SEMA6B: variants seen among roughly 807,000 people sequenced by gnomAD.
The protein encoded by SEMA6B is semaphorin 6B, also known as semaphorin-6B.
SEMA6B carries 47 observed loss-of-function variants against 78.6 expected under a neutral mutation model. That is an observed-to-expected ratio of 0.60 (90% CI 0.47 to 0.76). The LOEUF is 0.76. SEMA6B is among the 30% of genes least tolerant of loss of function. SEMA6B has a pLI of 0.00. For missense variants in SEMA6B, 1,213 were observed against 1,269.9 expected, an observed-to-expected ratio of 0.96 and a Z score of 0.68; for synonymous variants, 632 against 592.2, an observed-to-expected ratio of 1.07 and a Z score of -0.98.
chr19:4,547,134 ATT>A (rs764950107), intron 14 of SEMA6B, among the ~76,000 whole-genome samples: 15 of 135,362 alleles, frequency 1.1e-4, no homozygotes, highest in Non-Finnish European at 1.3e-4. Flanking sequence ...TGATTTTTGC[ATT>A]TTTTTTTTTT....
chr19:4,556,474 G>A (rs1004233773), intron 5 of SEMA6B, among the ~76,000 whole-genome samples: 1 of 150,642 alleles, frequency 6.6e-6, no homozygotes, highest in Non-Finnish European at 1.5e-5. Context: ...TTGGGAGCGT[G>A]GCCAGAGCTG....
Position 4,542,684 on chromosome 19 carries a change from T to G in SEMA6B, c.*917A>C. 3 of 644,742 alleles carry G rather than the reference T, an allele frequency of 4.7e-6. No homozygotes were observed. Among genetic ancestry groups the G allele is most frequent in the Middle Eastern group, 3.5e-4 (1 of 2,830 alleles). The allele number at this position is 644,742 out of a possible 1,614,324, so 39.9% of individuals were successfully genotyped here. ...GACCCAGCCAGCCACGTGGCATGCA[T>G]GGTCAGCTGGAGGTCAGAGGGGGGA... On this transcript the variant is annotated 3_prime_UTR_variant, in exon 17 of 17. Coordinates refer to ENST00000586582, the MANE Select transcript of SEMA6B (RefSeq NM_032108.4).
intron 9 of SEMA6B, among the ~76,000 whole-genome samples, chr19:4,554,122 G>A (rs958130349): frequency 6.6e-6 from 1 of 152,054 alleles, no homozygotes; most frequent in African/African-American, 2.4e-5. Flanking sequence ...ATTGTGGCTG[G>A]GTGGGTGGGT....
At position 4,550,293 on chromosome 19, in the gene SEMA6B, G is replaced by A. The variant is rs753729123; in HGVS notation, c.1122-21C>T. 6.2e-7 allele frequency: 1 copy of A among 1,613,234 alleles called. No individual in the cohort carries two copies. The highest frequency in any genetic ancestry group is 8.5e-7 in the Non-Finnish European group (1 of 1,179,780). ...CGGGCCTGGGGGTGACAAGGGTGTG[G>A]TCAGGACGAACGTAAAGGTTCTCAT... On this transcript the variant is annotated intron_variant, in intron 11 of 16. Transcript: ENST00000586582. This position sits in a 1 kb window ranked among gnomAD's most constrained non-coding sequence, Gnocchi z 6.6.
In SEMA6B at chr19:4,558,624, T is replaced by C. The variant is rs966780717; in HGVS notation, c.-32-135A>G. On this transcript the variant is annotated intron_variant, in intron 1 of 16. Coordinates refer to ENST00000586582, the MANE Select transcript of SEMA6B (RefSeq NM_032108.4). This position sits in a 1 kb window ranked among gnomAD's most constrained non-coding sequence, Gnocchi z 5.1. ...GGATAATAATTAATAAAAACAATAATGGCAATAATAATAATAATACACAGC... is the reference window on the plus strand; with the variant it reads ...GGATAATAATTAATAAAAACAATAACGGCAATAATAATAATAATACACAGC... The C allele has an allele frequency of 2.4e-4, 102 of 432,928 alleles. No homozygotes were observed. The highest frequency in any genetic ancestry group is 1.9e-3 in the African/African-American group (96 of 49,278). The allele number at this position is 432,928 out of a possible 1,614,324, so 26.8% of individuals were successfully genotyped here.
At chr19:4,553,926 T>C (rs1394708399) in intron 9 of SEMA6B, among the ~76,000 whole-genome samples, 2 of 151,874 alleles carry the variant, frequency 1.3e-5, no homozygotes, top group Non-Finnish European at 2.9e-5. Context: ...GATGGGTGGA[T>C]GGATGCATGG....
At position 4,548,155 on chromosome 19, in the gene SEMA6B, A is replaced by T; in HGVS notation, c.1473T>A (p.Gly491=). The T allele has an allele frequency of 6.3e-7, 1 of 1,591,396 alleles. No individual in the cohort carries two copies. Residue 491 remains glycine, a synonymous_variant, in exon 14 of 17, where the codon GGT becomes GGA. Coordinates refer to ENST00000586582, the MANE Select transcript of SEMA6B (RefSeq NM_032108.4). The part of the protein sequence containing the change: ...YRPDRCGRPG[G]GETGQRLLSL... ...TCAGCAGCCGCTGCCCTGTCTCGCC[A>T]CCGCCGGGCCGTCCACACCTGGGGA...
chr19:4,557,909 A>G (rs1303594542), intron 3 of SEMA6B, 117 bp downstream of exon 3: 5 of 898,126 alleles, frequency 5.6e-6, no homozygotes. Flanking sequence ...AGTCCTCCCA[A>G]TGGCCCAACA....
chr19:4,556,121 C>T (rs369398158), intron 5 of SEMA6B, 32 bp from the exon 6 acceptor site: 2 of 1,498,506 alleles, frequency 1.3e-6, no homozygotes, highest in Non-Finnish European at 1.9e-6. Context: ...GCGGGGAGCG[C>T]GATGTGGGCG....
chr19:4,546,478 G>C lies in SEMA6B; in HGVS notation c.1602-9C>G, dbSNP rs964181722. The C allele has an allele frequency of 7.1e-6, 11 of 1,542,946 alleles. No individual in the cohort carries two copies. The African/African-American group carries it at 1.1e-4, about 15-fold the overall frequency. ...GACTGCCGATACAGTTCCTAGAGCAGACCAGGGACCGAATGGGACAAGTGT... is the reference window on the plus strand; with the variant it reads ...GACTGCCGATACAGTTCCTAGAGCACACCAGGGACCGAATGGGACAAGTGT... On this transcript the variant is annotated splice_polypyrimidine_tract_variant and intron_variant, in intron 14 of 16. Coordinates refer to ENST00000586582, the MANE Select transcript of SEMA6B (RefSeq NM_032108.4).
At chr19:4,557,830 G>C (rs73527734) in intron 3 of SEMA6B, among the ~76,000 whole-genome samples, 196 bp downstream of exon 3, 210 of 152,078 alleles carry the variant, frequency 1.4e-3, no homozygotes, top group African/African-American at 4.7e-3. Flanking sequence ...GTGAGCACCT[G>C]AGTCAGGTCC....
chr19:4,543,040 G>A lies in SEMA6B; in HGVS notation c.*561C>T, dbSNP rs1487499932. ...CGTGGACACACACCCTGCACGCGTG[G>A]CCCACTTGACACACACGCCCACAGC... On this transcript the variant is annotated 3_prime_UTR_variant, in exon 17 of 17. Transcript: ENST00000586582. 3.0e-6 allele frequency: 2 copies of A among 670,732 alleles called. No homozygotes were observed. Among genetic ancestry groups the A allele is most frequent in the East Asian group, 2.7e-5 (1 of 36,806 alleles). The allele number at this position is 670,732 out of a possible 1,614,324, so 41.5% of individuals were successfully genotyped here.
chr19:4,551,666 C>T (rs1977335663), intron 10 of SEMA6B, among the ~76,000 whole-genome samples: 1 of 151,674 alleles, frequency 6.6e-6, no homozygotes, highest in African/African-American at 2.4e-5. Context: ...CCCGTCTCTA[C>T]TAAAAATACA....
intron 10 of SEMA6B, among the ~76,000 whole-genome samples, chr19:4,551,881 A>T (rs1406468768): frequency 1.3e-5 from 2 of 151,712 alleles, no homozygotes; most frequent in Non-Finnish European, 2.9e-5. Context: ...TGCAAACCTG[A>T]TCTCATCCCT....
intron 5 of SEMA6B, 83 bp from the exon 6 acceptor site, chr19:4,556,172 G>A: frequency 1.0e-6 from 1 of 959,672 alleles, no homozygotes; most frequent in Non-Finnish European, 1.7e-6. Flanking sequence ...GAGTTGTGTG[G>A]GTGGAGGGCC....
intron 16 of SEMA6B, chr19:4,545,884 G>A: frequency 5.2e-6 from 1 of 194,022 alleles, no homozygotes; most frequent in Non-Finnish European, 1.1e-5. Context: ...CCATTCTCCT[G>A]CCTCAGCCTC....
intron 3 of SEMA6B, among the ~76,000 whole-genome samples, chr19:4,557,682 C>T (rs1977509544): frequency 6.6e-6 from 1 of 152,144 alleles, no homozygotes; most frequent in African/African-American, 2.4e-5. Flanking sequence ...TAATCTCACA[C>T]TTGCTTCTCC....
At position 4,544,635 on chromosome 19, in the gene SEMA6B, T is replaced by TA; in HGVS notation, c.1739-107_1739-106insT. The stretch of plus-strand genomic sequence containing the variant: ...CCTCTTTTTTATTATTTTTATTTTT[T>TA]TTTATTTATTTATTTTTTGAGAAGG... On this transcript the variant is annotated intron_variant, in intron 16 of 16. Coordinates refer to ENST00000586582, the MANE Select transcript of SEMA6B (RefSeq NM_032108.4). The surrounding 1 kb of genome is among the most constrained non-coding windows in gnomAD (Gnocchi z 5.1). 1.7e-6 allele frequency: 1 copy of TA among 592,110 alleles called. No homozygotes were observed. Among genetic ancestry groups the TA allele is most frequent in the Non-Finnish European group, 2.5e-6 (1 of 400,436 alleles). The allele number at this position is 592,110 out of a possible 1,614,324, so 36.7% of individuals were successfully genotyped here. A position where few individuals can be genotyped will look rare whatever the true frequency, so the allele number is the denominator to read the frequency against.
Position 4,555,298 on chromosome 19 carries a change from T to C in SEMA6B, c.562+176A>G, listed in dbSNP as rs10853973. Among the ~76,000 whole-genome samples, 128,572 of 152,070 alleles carry C rather than the reference T, an allele frequency of 0.85. 54,867 individuals carry two copies. Among genetic ancestry groups the C allele is most frequent in the African/African-American group, 0.96 (40,008 of 41,530 alleles). ...CCCCTGACCCCGGCTAAGCCCCAAA[T>C]CCCGCTGAGCCTCAATCCCAGCTGA... On this transcript the variant is annotated intron_variant, in intron 7 of 16. Transcript: ENST00000586582. The surrounding 1 kb of genome is among the most constrained non-coding windows in gnomAD (Gnocchi z 6.1).
Sources: allele counts gnomAD v4.1 joint callset (sites outside exome capture counted in the v4.1 genomes callset), GRCh38; gene constraint gnomAD v4.1.1; non-coding constraint Gnocchi (gnomAD v3.1); transcripts MANE v1.5; gene names NCBI Gene and HGNC (gene_info 2026-07-23, HGNC 2026-07-21).